Variants in CTNNA3 observed in about 807,000 individuals in gnomAD.
The protein encoded by CTNNA3 is catenin alpha 3.
In CTNNA3, 76 loss-of-function variants were observed where a neutral mutation model predicts 95.7. The observed-to-expected ratio is 0.79, with a 90% CI of 0.66 to 0.96. The LOEUF is 0.96. CTNNA3 is among the 40% of genes least tolerant of loss of function. The pLI is 0.00. For synonymous variants in CTNNA3, 431 were observed against 374.4 expected (o/e 1.15, Z -1.74); for missense variants, 1,191 against 1,089.8 (o/e 1.09, Z -1.31).
chr10:67,563,178 C>T (rs1417062672), intron 3 of CTNNA3, among the ~76,000 whole-genome samples: 2 of 152,204 alleles, frequency 1.3e-5, no homozygotes, highest in African/African-American at 4.8e-5. Flanking sequence ...GCCCGCATCG[C>T]CAAGACAATC....
At chr10:66,631,583 A>G (rs892979290) in intron 9 of CTNNA3, among the ~76,000 whole-genome samples, 4 of 152,136 alleles carry the variant, frequency 2.6e-5, no homozygotes, top group Admixed American at 1.3e-4. Flanking sequence ...AACTACACTA[A>G]AAAACAAACT....
At chr10:66,307,033 T>C (rs1350583309) in intron 12 of CTNNA3, among the ~76,000 whole-genome samples, 2 of 152,106 alleles carry the variant, frequency 1.3e-5, no homozygotes, top group African/African-American at 4.8e-5. Flanking sequence ...ATTTTTTATG[T>C]GTTAATTCAC....
intron 5 of CTNNA3, among the ~76,000 whole-genome samples, chr10:67,316,191 T>C (rs140294779): frequency 6.6e-6 from 1 of 152,302 alleles, no homozygotes; most frequent in East Asian, 1.9e-4. Context: ...TAAAATGCCA[T>C]GTATACTGTG....
At chr10:66,178,492 C>A (rs10996953) in intron 13 of CTNNA3, among the ~76,000 whole-genome samples, 1 of 620 alleles carries the variant, frequency 1.6e-3, no homozygotes, top group Admixed American at 0.019. Context: ...CACACACACA[C>A]ATACACACAC....
In CTNNA3 at chr10:65,915,210, A is replaced by G. The variant is rs1395633410; in HGVS notation, c.*5120T>C. The G allele has an allele frequency of 6.6e-6, 1 of 152,192 alleles. No homozygotes were observed. The highest frequency in any genetic ancestry group is 2.4e-5 in the African/African-American group (1 of 41,452). 9.4% of individuals were successfully genotyped at this position (152,192 alleles called of 1,614,324 possible). On this transcript the variant is annotated 3_prime_UTR_variant, in exon 18 of 18. Coordinates refer to ENST00000433211, the MANE Select transcript of CTNNA3 (RefSeq NM_013266.4). ...GGAAGAATTTCACCTACCATCAGTCAGGAGAATGGCTGAATTTCTGTTTCT... is the reference window on the plus strand; with the variant it reads ...GGAAGAATTTCACCTACCATCAGTCGGGAGAATGGCTGAATTTCTGTTTCT...
intron 7 of CTNNA3, among the ~76,000 whole-genome samples, chr10:66,791,199 C>A (rs1400555742): frequency 1.3e-5 from 2 of 152,182 alleles, no homozygotes; most frequent in Admixed American, 1.3e-4. Flanking sequence ...CCATTTAAAA[C>A]CCCTTAACGG....
chr10:66,306,454 T>G (rs1361155623), intron 12 of CTNNA3, among the ~76,000 whole-genome samples: 2 of 152,186 alleles, frequency 1.3e-5, no homozygotes, highest in African/African-American at 4.8e-5. Context: ...ATAATGCACT[T>G]TATGCTATAG....
chr10:67,451,021 C>T (rs79861253), intron 5 of CTNNA3, among the ~76,000 whole-genome samples: 2,671 of 152,116 alleles, frequency 0.018, 81 homozygotes, highest in African/African-American at 0.061. Flanking sequence ...GAGGTAGGGC[C>T]TTTATGAGGT....
intron 5 of CTNNA3, among the ~76,000 whole-genome samples, chr10:67,438,871 C>T (rs1846396247): frequency 6.6e-6 from 1 of 152,176 alleles, no homozygotes; most frequent in Non-Finnish European, 1.5e-5. Context: ...TGGACAAGCC[C>T]TAGCCAGAGG....
At chr10:66,402,917 G>C (rs1007642425) in intron 11 of CTNNA3, among the ~76,000 whole-genome samples, 3 of 152,078 alleles carry the variant, frequency 2.0e-5, no homozygotes, top group Non-Finnish European at 4.4e-5. Flanking sequence ...CATCATATTT[G>C]TTCCAAGTTT....
At chr10:66,473,558 C>CACAATGTGCAGGTTTGTTACACATGTAT (rs1839210287) in intron 11 of CTNNA3, among the ~76,000 whole-genome samples, 1 of 151,902 alleles carries the variant, frequency 6.6e-6, no homozygotes, top group Non-Finnish European at 1.5e-5. Flanking sequence ...GATACATGTG[C>CACAATGTGCAGGTTTGTTACACATGTAT]ACAATGTGCA....
intron 7 of CTNNA3, among the ~76,000 whole-genome samples, chr10:66,932,858 T>C (rs1245404055): frequency 2.0e-5 from 3 of 152,188 alleles, no homozygotes; most frequent in Non-Finnish European, 4.4e-5. Context: ...ATGATTCTTT[T>C]GCATTTGAGG....
intron 7 of CTNNA3, among the ~76,000 whole-genome samples, chr10:67,148,028 C>G (rs954568788): frequency 6.6e-6 from 1 of 152,154 alleles, no homozygotes; most frequent in Non-Finnish European, 1.5e-5. Flanking sequence ...CTAACAGCAT[C>G]TGAAGCTGGC....
intron 5 of CTNNA3, among the ~76,000 whole-genome samples, chr10:67,374,760 G>A (rs1843626631): frequency 6.6e-6 from 1 of 152,136 alleles, no homozygotes; most frequent in South Asian, 2.1e-4. Flanking sequence ...AGGGAAGAGG[G>A]CCTCAGGGAG....
At chr10:67,707,880 T>G (rs1003130224) in intron 1 of CTNNA3, among the ~76,000 whole-genome samples, 20 of 152,152 alleles carry the variant, frequency 1.3e-4, no homozygotes, top group African/African-American at 4.6e-4. Flanking sequence ...CTTATCTCCA[T>G]CCTTACAACT....
intron 5 of CTNNA3, among the ~76,000 whole-genome samples, chr10:67,456,540 T>C (rs1410610706): frequency 6.6e-6 from 1 of 152,152 alleles, no homozygotes. Context: ...ACTAAACTGA[T>C]TTATTTGAGC....
intron 7 of CTNNA3, among the ~76,000 whole-genome samples, chr10:66,788,550 G>A (rs1840839725): frequency 6.6e-6 from 1 of 152,146 alleles, no homozygotes; most frequent in South Asian, 2.1e-4. Flanking sequence ...GTGGCTCAGA[G>A]AGCCAGTAAC....
At position 67,050,326 on chromosome 10, in the gene CTNNA3, G is replaced by C. The variant is rs185577775; in HGVS notation, c.1047+129991C>G. Among the ~76,000 whole-genome samples the C allele has an allele frequency of 1.1e-4, 16 of 152,000 alleles. No individual in the cohort carries two copies. The East Asian group carries it at 3.1e-3, about 29-fold the overall frequency. On this transcript the variant is annotated intron_variant, in intron 7 of 17. Transcript: ENST00000433211. ...CCTGCTCTCCCTTTCTTGAGCGTTC[G>C]GTCTACTTTTTCTTTTTGCAACTGA...
intron 11 of CTNNA3, among the ~76,000 whole-genome samples, chr10:66,398,222 AG>A (rs2132550386): frequency 6.6e-6 from 1 of 151,988 alleles, no homozygotes; most frequent in East Asian, 1.9e-4. Context: ...ACAAGATTTC[AG>A]TTTTGTTTAG....
Sources: allele counts gnomAD v4.1 joint callset (sites outside exome capture counted in the v4.1 genomes callset), GRCh38; gene constraint gnomAD v4.1.1; transcripts MANE v1.5; gene names NCBI Gene and HGNC (gene_info 2026-07-23, HGNC 2026-07-21).